Variants in ST3GAL2 observed in about 807,000 individuals in gnomAD.
ST3GAL2 encodes the protein CMP-N-acetylneuraminate-beta-galactosamide-alpha-2,3-sialyltransferase 2.
ST3GAL2 carries 16 observed loss-of-function variants against 37.5 expected under a neutral mutation model. The observed-to-expected ratio is 0.43, with a 90% CI of 0.29 to 0.65. The LOEUF (loss-of-function observed/expected upper bound fraction) is 0.65, where lower values mean the gene tolerates loss of function less well. ST3GAL2 is among the 30% of genes least tolerant of loss of function. The pLI, the probability that ST3GAL2 is intolerant of heterozygous loss-of-function variation, is 0.17. For synonymous variants in ST3GAL2, 238 were observed against 202.9 expected, an observed-to-expected ratio of 1.17 and a Z score of -1.47; for missense variants, 383 against 487.8, an observed-to-expected ratio of 0.79 and a Z score of 2.02.
At position 70,376,626 on chromosome 16, in the gene ST3GAL2, A is replaced by G. The variant is rs936250226; in HGVS notation, c.*5063T>C. 6.6e-6 allele frequency: 1 copy of G among 152,232 alleles called. No individual in the cohort carries two copies. Among genetic ancestry groups the G allele is most frequent in the African/African-American group, 2.4e-5 (1 of 41,456 alleles). The allele number at this position is 152,232 out of a possible 1,614,324, so 9.4% of individuals were successfully genotyped here. ...GGCATTGATTCCTAATTCACACTCA[A>G]AAGGGAATACTTTTATTTTTAAAAA... On this transcript the variant is annotated 3_prime_UTR_variant, in exon 7 of 7. Coordinates refer to ENST00000342907, the MANE Select transcript of ST3GAL2 (RefSeq NM_006927.4).
At chr16:70,420,913 T>A (rs1482045795) in intron 1 of ST3GAL2, among the ~76,000 whole-genome samples, 2 of 152,204 alleles carry the variant, frequency 1.3e-5, no homozygotes, top group Non-Finnish European at 2.9e-5. Context: ...GGTGGGCCCC[T>A]TGCTCAGCTG....
chr16:70,404,363 A>G (rs753317639), intron 1 of ST3GAL2, among the ~76,000 whole-genome samples: 58 of 152,180 alleles, frequency 3.8e-4, no homozygotes, highest in Admixed American at 1.1e-3. Flanking sequence ...GAGGACTGAG[A>G]ACTGACCACT....
chr16:70,401,116 G>A (rs549112744), intron 1 of ST3GAL2: 1 of 152,534 alleles, frequency 6.6e-6, no homozygotes, highest in African/African-American at 2.4e-5. Context: ...CAGTCATGAG[G>A]CAGGTGGCCC....
intron 1 of ST3GAL2, among the ~76,000 whole-genome samples, chr16:70,413,015 G>A (rs369943955): frequency 1.3e-5 from 2 of 152,196 alleles, no homozygotes; most frequent in East Asian, 3.9e-4. Context: ...TTGGGAGGCG[G>A]AGGCAGGTGG....
chr16:70,378,546 CAAA>C lies in ST3GAL2; in HGVS notation c.*3140_*3142del, dbSNP rs1161804458. The C allele has an allele frequency of 7.0e-6, 1 of 143,730 alleles. No homozygotes were observed. The highest frequency in any genetic ancestry group is 4.8e-3 in the Middle Eastern group (1 of 208). 8.9% of individuals were successfully genotyped at this position (143,730 alleles called of 1,614,324 possible). ...TGAAACCCCGTCTCTACTAAAAATACAAAAAAACTGCCGGGCATCGTGGCGGTC... is the reference window on the plus strand; with the variant it reads ...TGAAACCCCGTCTCTACTAAAAATACAAAACTGCCGGGCATCGTGGCGGTC... On this transcript the variant is annotated 3_prime_UTR_variant, in exon 7 of 7. Coordinates refer to ENST00000342907, the MANE Select transcript of ST3GAL2 (RefSeq NM_006927.4).
In ST3GAL2 at chr16:70,398,389, C is replaced by G. The variant is rs556160118; in HGVS notation, c.142G>C (p.Val48Leu). 10 of 1,613,620 alleles carry G rather than the reference C, an allele frequency of 6.2e-6. No homozygotes were observed. Among genetic ancestry groups the G allele is most frequent in the African/African-American group, 5.3e-5 (4 of 75,084 alleles). ...CCGGCATAGCCGGGCACCAGCTTCA[C>G]CCGGTGCGTCCCATCCAGGGCCCCT... ...DSGALDGTHR[V>L]KLVPGYAGLQ... The change falls in exon 2 of 7, where the codon GTG (valine) becomes CTG (leucine). Residue 48 changes from valine to leucine, a missense_variant. Physicochemically the swap from Val to Leu is conservative, Grantham distance 32 (BLOSUM62 1). This residue lies in a region of ST3GAL2 where 223 missense variants were observed against 239.1 expected (regional missense o/e 0.93). Transcript: ENST00000342907.
At chr16:70,408,886 G>GAAAAA in intron 1 of ST3GAL2, among the ~76,000 whole-genome samples, 1 of 15,426 alleles carries the variant, frequency 6.5e-5, no homozygotes, top group Non-Finnish European at 1.9e-4. Context: ...ACAGCTCAAA[G>GAAAAA]AAACAAAAAA....
intron 1 of ST3GAL2, among the ~76,000 whole-genome samples, chr16:70,412,122 A>C (rs1179883883): frequency 6.6e-6 from 1 of 152,174 alleles, no homozygotes; most frequent in Non-Finnish European, 1.5e-5. Flanking sequence ...TACATCTGTA[A>C]CCATTCTTTC....
At chr16:70,394,760 G>C (rs562402987) in intron 3 of ST3GAL2, among the ~76,000 whole-genome samples, 165 of 152,326 alleles carry the variant, frequency 1.1e-3, no homozygotes, top group African/African-American at 3.8e-3. Context: ...TGGAAACAGA[G>C]TGCAGGCCTC....
chr16:70,383,331 A>G, intron 4 of ST3GAL2, 96 bp from the exon 5 acceptor site: 1 of 1,248,344 alleles, frequency 8.0e-7, no homozygotes, highest in Non-Finnish European at 1.1e-6. Context: ...CAGGTGGATC[A>G]CCTGAGGCCA....
intron 1 of ST3GAL2, among the ~76,000 whole-genome samples, chr16:70,406,573 G>A (rs1202650223): frequency 1.3e-5 from 2 of 151,826 alleles, no homozygotes; most frequent in African/African-American, 4.8e-5. Context: ...CCTGAGGTTA[G>A]GAGTTTGAGA....
chr16:70,404,369 C>T (rs1394755493), intron 1 of ST3GAL2, among the ~76,000 whole-genome samples: 2 of 152,148 alleles, frequency 1.3e-5, no homozygotes, highest in Non-Finnish European at 2.9e-5. Flanking sequence ...TGAGAACTGA[C>T]CACTGGATGG....
chr16:70,418,157 G>A (rs1031018079), intron 1 of ST3GAL2, among the ~76,000 whole-genome samples: 2 of 152,152 alleles, frequency 1.3e-5, no homozygotes, highest in Admixed American at 6.6e-5. Flanking sequence ...GTTATTGATC[G>A]ACACCAGGCA....
intron 1 of ST3GAL2, among the ~76,000 whole-genome samples, chr16:70,418,206 A>G (rs958403348): frequency 3.3e-5 from 5 of 152,180 alleles, no homozygotes; most frequent in African/African-American, 1.2e-4. Context: ...CTGACCCCTT[A>G]GCCAAGCCCT....
At chr16:70,418,401 G>GT (rs1390996926) in intron 1 of ST3GAL2, among the ~76,000 whole-genome samples, 1 of 152,156 alleles carries the variant, frequency 6.6e-6, no homozygotes, top group East Asian at 1.9e-4. Context: ...CCTTCCAAAG[G>GT]TATCAGGGGC....
chr16:70,385,371 T>C (rs1386425151), intron 4 of ST3GAL2, among the ~76,000 whole-genome samples: 1 of 152,096 alleles, frequency 6.6e-6, no homozygotes, highest in Non-Finnish European at 1.5e-5. Context: ...TAAGGTTACC[T>C]GGGGTTGAGG....
intron 6 of ST3GAL2, among the ~76,000 whole-genome samples, chr16:70,382,485 T>A (rs1350340215): frequency 6.6e-6 from 1 of 152,012 alleles, no homozygotes; most frequent in Non-Finnish European, 1.5e-5. Context: ...GGCTTCACCA[T>A]GTTGGCCAGG....
chr16:70,428,092 A>G (rs1282735030), intron 1 of ST3GAL2, among the ~76,000 whole-genome samples: 1 of 152,212 alleles, frequency 6.6e-6, no homozygotes, highest in Non-Finnish European at 1.5e-5. Flanking sequence ...AATGGAACGG[A>G]AAGGTCTGGA....
intron 1 of ST3GAL2, among the ~76,000 whole-genome samples, chr16:70,438,512 C>G (rs965387483): frequency 6.6e-6 from 1 of 152,114 alleles, no homozygotes; most frequent in Admixed American, 6.6e-5. Flanking sequence ...GAAAGAGGAG[C>G]TGATGGGGCA....
Sources: gnomAD v4.1 joint callset for allele counts (sites outside exome capture counted in the v4.1 genomes callset) on GRCh38, gnomAD v4.1.1 for gene constraint, gnomAD v4.1.1 regional missense constraint, MANE v1.5 for transcripts, NCBI Gene and HGNC (gene_info 2026-07-23, HGNC 2026-07-21) for gene names.